GPRC6A: variants seen among roughly 807,000 people sequenced by gnomAD.
The protein encoded by GPRC6A is G protein-coupled receptor class C group 6 member A, also known as G protein-coupled receptor family C group 6 member A.
A neutral mutation model predicts 47.0 loss-of-function variants in GPRC6A; 54 were observed. The ratio of observed to expected loss-of-function variants is 1.15; its 90% CI spans 0.92 to 1.44. The LOEUF (loss-of-function observed/expected upper bound fraction) is 1.44, where lower values mean the gene tolerates loss of function less well. GPRC6A is among the 40% of genes most tolerant of loss of function. GPRC6A has a pLI of 0.00. For missense variants in GPRC6A, 1,112 were observed against 1,105.5 expected (o/e 1.01, Z -0.08); for synonymous variants, 347 against 377.1 (o/e 0.92, Z 0.93).
At chr6:116,820,703 A>G (rs1432766973) in intron 1 of GPRC6A, among the ~76,000 whole-genome samples, 59 of 149,076 alleles carry the variant, frequency 4.0e-4, no homozygotes, top group South Asian at 8.6e-4. Context: ...TTGATGTGAC[A>G]TATTTCAAAA....
intron 1 of GPRC6A, among the ~76,000 whole-genome samples, chr6:116,822,987 A>G (rs1327774832): frequency 6.6e-6 from 1 of 151,548 alleles, no homozygotes; most frequent in Non-Finnish European, 1.5e-5. Context: ...AGGTCTCTGA[A>G]ATTCCTTTGA....
At chr6:116,800,856 T>G in intron 3 of GPRC6A, 60 bp from the exon 4 acceptor site, 3 of 989,126 alleles carry the variant, frequency 3.0e-6, no homozygotes, top group Non-Finnish European at 4.7e-6. Flanking sequence ...GTATCCATTA[T>G]TCTAATGATA....
intron 1 of GPRC6A, among the ~76,000 whole-genome samples, chr6:116,811,298 A>G (rs975809853): frequency 6.6e-6 from 1 of 152,100 alleles, no homozygotes; most frequent in Non-Finnish European, 1.5e-5. Flanking sequence ...CTTAGGAAAC[A>G]TTCTCCCCCT....
Position 116,806,578 on chromosome 6 carries a change from A to G in GPRC6A, c.1127T>C (p.Ile376Thr), listed in dbSNP as rs747661202. 6.2e-7 allele frequency: 1 copy of G among 1,613,578 alleles called. No individual in the cohort carries two copies. Among genetic ancestry groups the G allele is most frequent in the Non-Finnish European group, 8.5e-7 (1 of 1,179,712 alleles). The change falls in exon 3 of 6, where the codon ATA (isoleucine) becomes ACA (threonine). Residue 376 changes from isoleucine (I) to threonine (T), a missense_variant. Transcript: ENST00000310357. Reference protein sequence around the residue: ...YVKDTDLSQCIFNHSQRTLAY... With the variant: ...YVKDTDLSQCTFNHSQRTLAY... ...CAAAGTCCTTTGAGAATGATTGAAT[A>G]TGCATTGACTCAAATCAGTGTCCTT... is the stretch of plus-strand genomic sequence containing the variant.
intron 1 of GPRC6A, among the ~76,000 whole-genome samples, chr6:116,823,232 T>C (rs149535036): frequency 1.7e-3 from 257 of 152,288 alleles, no homozygotes; most frequent in Admixed American, 3.2e-3. Flanking sequence ...AGCTAGGCTA[T>C]TAAAAGCAGC....
At chr6:116,824,676 A>G (rs1343357918) in intron 1 of GPRC6A, among the ~76,000 whole-genome samples, 1 of 151,952 alleles carries the variant, frequency 6.6e-6, no homozygotes, top group East Asian at 1.9e-4. Flanking sequence ...AAGAAGAAAT[A>G]ATAGTAATCT....
intron 4 of GPRC6A, among the ~76,000 whole-genome samples, 189 bp downstream of exon 4, chr6:116,800,391 CTCTT>C (rs200495410): frequency 0.012 from 1,686 of 138,908 alleles, 34 homozygotes; most frequent in African/African-American, 0.041. Flanking sequence ...CTCTCTCTCT[CTCTT>C]TCTTTCTTTC....
intron 1 of GPRC6A, among the ~76,000 whole-genome samples, chr6:116,812,278 C>T (rs143700882): frequency 2.6e-5 from 4 of 151,918 alleles, no homozygotes; most frequent in African/African-American, 7.2e-5. Flanking sequence ...AAAACTTATC[C>T]TTCATAAATA....
chr6:116,800,274 C>CTCCT (rs1772624851), intron 4 of GPRC6A, among the ~76,000 whole-genome samples: 2 of 139,518 alleles, frequency 1.4e-5, no homozygotes, highest in Non-Finnish European at 3.1e-5. Flanking sequence ...TCCTCCCTCC[C>CTCCT]TCCCTCCCTT....
intron 4 of GPRC6A, among the ~76,000 whole-genome samples, chr6:116,796,917 T>TA (rs1772506370): frequency 6.6e-6 from 1 of 152,142 alleles, no homozygotes; most frequent in Admixed American, 6.5e-5. Context: ...AGTTTTAGGG[T>TA]ACATGTGCAC....
chr6:116,814,232 G>A (rs1773128728), intron 1 of GPRC6A, among the ~76,000 whole-genome samples: 1 of 152,152 alleles, frequency 6.6e-6, no homozygotes. Context: ...ATTATCATTT[G>A]ACCTAGCAAT....
In GPRC6A at chr6:116,806,850, A is replaced by T. The variant is rs1772859289; in HGVS notation, c.855T>A (p.Asp285Glu). ...VVFLRQFHVF[D>E]LFNKAIEMNI... ...TCATTTCAATGGCTTTATTGAAGAG[A>T]TCAAAAACATGGAATTGCCTCAGAA... The change falls in exon 3 of 6, where the codon GAT (aspartate) becomes GAA (glutamate). Residue 285 changes from aspartate (D) to glutamate (E), a missense_variant. Asp to Glu is a conservative substitution (Grantham distance 45). Transcript: ENST00000310357. The T allele has an allele frequency of 6.2e-7, 1 of 1,613,456 alleles. No homozygotes were observed. Among genetic ancestry groups the T allele is most frequent in the Non-Finnish European group, 8.5e-7 (1 of 1,179,582 alleles).
Position 116,807,188 on chromosome 6 carries a change from C to T in GPRC6A, c.517G>A (p.Ala173Thr), listed in dbSNP as rs1362636255. 1 of 1,610,436 alleles carries T rather than the reference C, an allele frequency of 6.2e-7. No homozygotes were observed. The highest frequency in any genetic ancestry group is 8.5e-7 in the Non-Finnish European group (1 of 1,177,532). Residue 173 changes from alanine (A) to threonine (T), a missense_variant, in exon 3 of 6, where the codon GCA becomes ACA. Ala to Thr is a moderately conservative substitution (Grantham distance 58). Coordinates refer to ENST00000310357, the MANE Select transcript of GPRC6A (RefSeq NM_148963.4). The part of the protein sequence containing the change: ...LMPQVGYEST[A>T]EILSDKIRFP... ...CGAATTTTGTCACTCAGGATTTCTG[C>T]AGTTGATTCATAACCCACCTGGAAA...
At chr6:116,814,008 C>T (rs886744815) in intron 1 of GPRC6A, among the ~76,000 whole-genome samples, 1 of 152,172 alleles carries the variant, frequency 6.6e-6, no homozygotes, top group Non-Finnish European at 1.5e-5. Context: ...AAAAAATGCT[C>T]ATCATTCCTG....
intron 1 of GPRC6A, among the ~76,000 whole-genome samples, chr6:116,815,083 A>C (rs982806301): frequency 6.6e-6 from 1 of 152,206 alleles, no homozygotes; most frequent in African/African-American, 2.4e-5. Flanking sequence ...TAAAGCAAAA[A>C]TTACCAGATC....
At chr6:116,814,195 G>T (rs572824279) in intron 1 of GPRC6A, among the ~76,000 whole-genome samples, 1 of 152,170 alleles carries the variant, frequency 6.6e-6, no homozygotes, top group Non-Finnish European at 1.5e-5. Flanking sequence ...AGACAGTGTG[G>T]CGATTCCTCA....
intron 1 of GPRC6A, among the ~76,000 whole-genome samples, chr6:116,824,902 T>G (rs1203038896): frequency 4.6e-5 from 7 of 152,068 alleles, no homozygotes; most frequent in Non-Finnish European, 1.0e-4. Flanking sequence ...CATGATTAAG[T>G]GTAATATCAA....
rs1772839459 is a variant in GPRC6A at position 116,806,440 on chromosome 6, A to G, written c.1265T>C (p.Leu422Pro). Residue 422 changes from leucine to proline, a missense_variant, in exon 3 of 6, where the codon CTT becomes CCT. Transcript: ENST00000310357. ...IHSIQLAVFA[L>P]GYAIRDLCQA... The stretch of plus-strand genomic sequence containing the variant: ...ACACAGATCCCGAATGGCATAACCA[A>G]GGGCAAACACTGCAAGCTGAATACT... 3.7e-6 allele frequency: 6 copies of G among 1,613,364 alleles called. No individual in the cohort carries two copies. The highest frequency in any genetic ancestry group is 5.1e-6 in the Non-Finnish European group (6 of 1,179,684).
At chr6:116,796,680 G>A (rs565744811) in intron 4 of GPRC6A, among the ~76,000 whole-genome samples, 1 of 152,106 alleles carries the variant, frequency 6.6e-6, no homozygotes, top group African/African-American at 2.4e-5. Flanking sequence ...TTCTCTGGAA[G>A]ATGCAAATGA....
Sources: allele counts gnomAD v4.1 joint callset (sites outside exome capture counted in the v4.1 genomes callset), GRCh38; gene constraint gnomAD v4.1.1; transcripts MANE v1.5; gene names NCBI Gene and HGNC (gene_info 2026-07-23, HGNC 2026-07-21).